Variants in EML4 observed in about 807,000 individuals in gnomAD.
EML4 encodes EMAP like 4.
A neutral mutation model predicts 129.0 loss-of-function variants in EML4; 72 were observed. The observed-to-expected ratio is 0.56, with a 90% CI of 0.46 to 0.68. The LOEUF (loss-of-function observed/expected upper bound fraction) is 0.68. EML4 is among the 30% of genes least tolerant of loss of function. EML4 has a pLI of 0.00. For synonymous variants in EML4, 532 were observed against 405.0 expected (o/e 1.31, Z -3.77); for missense variants, 1,363 against 1,190.6 (o/e 1.14, Z -2.13).
intron 1 of EML4, among the ~76,000 whole-genome samples, chr2:42,221,649 G>T (rs1482550733): frequency 6.6e-6 from 1 of 151,852 alleles, no homozygotes; most frequent in African/African-American, 2.4e-5. Flanking sequence ...TGTTGCCCAA[G>T]CTGGAATGCA....
At chr2:42,226,297 A>G (rs1673951653) in intron 1 of EML4, among the ~76,000 whole-genome samples, 1 of 152,102 alleles carries the variant, frequency 6.6e-6, no homozygotes. Flanking sequence ...AAGACACAAA[A>G]TTTCAGTTAG....
intron 1 of EML4, among the ~76,000 whole-genome samples, chr2:42,227,236 A>C (rs1227504839): frequency 6.6e-6 from 1 of 152,014 alleles, no homozygotes; most frequent in Non-Finnish European, 1.5e-5. Context: ...CAGCCCCCAC[A>C]GCCTGCCCCA....
intron 1 of EML4, among the ~76,000 whole-genome samples, chr2:42,208,313 A>G (rs1254159120): frequency 1.3e-5 from 2 of 152,014 alleles, no homozygotes; most frequent in African/African-American, 2.4e-5. Context: ...GATTTTTTTA[A>G]AGTTCTGATT....
intron 1 of EML4, among the ~76,000 whole-genome samples, chr2:42,245,083 A>T (rs1675296511): frequency 1.6e-5 from 1 of 64,370 alleles, no homozygotes; most frequent in Non-Finnish European, 2.9e-5. Flanking sequence ...TTTTGTTTTG[A>T]AATTTTCTTT....
intron 9 of EML4, 125 bp downstream of exon 9, chr2:42,284,828 G>A: frequency 1.8e-6 from 1 of 559,212 alleles, no homozygotes; most frequent in Admixed American, 3.8e-5. Context: ...GGAATTTCTA[G>A]TATAAGCATG....
intron 18 of EML4, among the ~76,000 whole-genome samples, 174 bp downstream of exon 18, chr2:42,316,224 C>A (rs563500067): frequency 6.6e-6 from 1 of 152,236 alleles, no homozygotes; most frequent in Non-Finnish European, 1.5e-5. Context: ...TGCAAAAGAT[C>A]TGCTGAAGTT....
At position 42,320,714 on chromosome 2, in the gene EML4, C is replaced by T. The variant is rs191038547; in HGVS notation, c.2154+3190C>T. Among the ~76,000 whole-genome samples, 104 of 152,242 alleles carry T rather than the reference C, an allele frequency of 6.8e-4. 1 individual carries two copies. Among genetic ancestry groups the T allele is most frequent in the Non-Finnish European group, 1.2e-3 (80 of 68,022 alleles). ...TCCTGATTGACCTAAAGTTTCTACT[C>T]AGTTTTCAGTGGAATATTAAGGTTG... On this transcript the variant is annotated intron_variant, in intron 19 of 22. Transcript: ENST00000318522.
chr2:42,280,816 C>T (rs751250017), intron 6 of EML4, 34 bp from the exon 7 acceptor site: 9 of 1,554,426 alleles, frequency 5.8e-6, no homozygotes, highest in South Asian at 2.4e-5. Flanking sequence ...ACAGAAAATA[C>T]GTATGACTTA....
Position 42,188,568 on chromosome 2 carries a change from CAG to C in EML4, c.25+18935_25+18936del, listed in dbSNP as rs1338147678. 2.0e-5 allele frequency among the ~76,000 whole-genome samples: 3 copies of C among 151,252 alleles called. No individual in the cohort carries two copies. The East Asian group carries it at 5.9e-4, about 30-fold the overall frequency. On this transcript the variant is annotated intron_variant, in intron 1 of 22. Transcript: ENST00000318522. ...TTTTAAAATTACTTTTTTTTTGAGACAGAGTCTTGCTTTGTCACCCAGGCTGG... is the reference window on the plus strand; with the variant it reads ...TTTTAAAATTACTTTTTTTTTGAGACAGTCTTGCTTTGTCACCCAGGCTGG...
intron 6 of EML4, among the ~76,000 whole-genome samples, chr2:42,278,571 CTCAAAAAA>C (rs1666792201): frequency 1.7e-5 from 1 of 58,536 alleles, no homozygotes; most frequent in African/African-American, 8.7e-5. Flanking sequence ...GGGACTCCAT[CTCAAAAAA>C]AAAAAAAAAA....
chr2:42,207,788 A>G (rs1009385679), intron 1 of EML4: 5 of 152,238 alleles, frequency 3.3e-5, no homozygotes, highest in African/African-American at 4.8e-5. Flanking sequence ...ATAAAATGCA[A>G]ATTTATAATA....
intron 19 of EML4, among the ~76,000 whole-genome samples, chr2:42,321,361 C>A (rs1013478496): frequency 2.0e-5 from 3 of 151,744 alleles, no homozygotes; most frequent in African/African-American, 7.3e-5. Context: ...CCAGCCTGGG[C>A]GACAGCGAGA....
intron 17 of EML4, among the ~76,000 whole-genome samples, chr2:42,312,244 A>T (rs1038919317): frequency 6.6e-6 from 1 of 151,712 alleles, no homozygotes; most frequent in African/African-American, 2.4e-5. Context: ...ATAGGTTATA[A>T]ATCAAAAATA....
intron 1 of EML4, among the ~76,000 whole-genome samples, chr2:42,179,981 A>G (rs1670837331): frequency 6.6e-6 from 1 of 152,222 alleles, no homozygotes; most frequent in African/African-American, 2.4e-5. Flanking sequence ...GCATGTGTGT[A>G]AATAAAGCCA....
In EML4 at chr2:42,329,674, T is replaced by C. The variant is rs1026527376; in HGVS notation, c.2473-60T>C. 4.2e-6 allele frequency: 6 copies of C among 1,435,978 alleles called. No homozygotes were observed. In the African/African-American group the frequency reaches 8.4e-5, roughly 20 times the overall value. The allele number at this position is 1,435,978 out of a possible 1,614,324, so 89.0% of individuals were successfully genotyped here. ...CCCCCTTACGTATCACCTCCATTTC[T>C]GAAACAGGCATGTCAAGAATGAGTT... On this transcript the variant is annotated intron_variant, in intron 22 of 22. Transcript: ENST00000318522.
chr2:42,245,661 C>T lies in EML4; in HGVS notation c.182C>T (p.Ser61Leu), dbSNP rs752559530. 1 of 1,608,788 alleles carries T rather than the reference C, an allele frequency of 6.2e-7. No homozygotes were observed. Among genetic ancestry groups the T allele is most frequent in the East Asian group, 2.2e-5 (1 of 44,660 alleles). The part of the protein sequence containing the change: ...RLAISEDHVA[S>L]VKKSVSSKGQ... ...GCAATCTCTGAAGATCATGTGGCCT[C>T]AGTGAAAAAATCAGTCTCAAGTAAA... The change falls in exon 2 of 23, where the codon TCA becomes TTA. Residue 61 changes from serine to leucine, a missense_variant. Coordinates refer to ENST00000318522, the MANE Select transcript of EML4 (RefSeq NM_019063.5).
intron 17 of EML4, among the ~76,000 whole-genome samples, chr2:42,314,831 C>T (rs951213872): frequency 2.0e-5 from 3 of 152,200 alleles, no homozygotes; most frequent in Admixed American, 2.0e-4. Flanking sequence ...TTACCACGCT[C>T]TTCTGAAGTA....
intron 9 of EML4, 81 bp downstream of exon 9, chr2:42,284,784 C>G: frequency 9.8e-7 from 1 of 1,025,106 alleles, no homozygotes; most frequent in East Asian, 2.7e-5. Context: ...AACCACAACT[C>G]ATTTGTTTTA....
intron 1 of EML4, among the ~76,000 whole-genome samples, chr2:42,181,443 C>A (rs1309186224): frequency 6.6e-6 from 1 of 152,064 alleles, no homozygotes; most frequent in Non-Finnish European, 1.5e-5. Context: ...GGTTTACAGG[C>A]ACACGCCACT....
Sources: allele counts gnomAD v4.1 joint callset (sites outside exome capture counted in the v4.1 genomes callset), GRCh38; gene constraint gnomAD v4.1.1; transcripts MANE v1.5; gene names NCBI Gene and HGNC (gene_info 2026-07-23, HGNC 2026-07-21).